PTPRD: variants seen among roughly 807,000 people sequenced by gnomAD.
PTPRD encodes protein tyrosine phosphatase receptor type D, also known as receptor-type tyrosine-protein phosphatase delta.
In PTPRD, 34 loss-of-function variants were observed where a neutral mutation model predicts 214.5. The observed-to-expected ratio is 0.16, with a 90% CI of 0.12 to 0.21. The LOEUF (loss-of-function observed/expected upper bound fraction) is 0.21. Ranked by LOEUF, PTPRD falls within the 10% of genes least tolerant of loss-of-function variation. The pLI is 1.00. For missense variants in PTPRD, 2,545 were observed against 2,398.7 expected, an observed-to-expected ratio of 1.06 and a Z score of -1.27; for synonymous variants, 1,128 against 845.7, an observed-to-expected ratio of 1.33 and a Z score of -5.79.
chr9:9,127,868 T>C (rs981491019), intron 10 of PTPRD, among the ~76,000 whole-genome samples: 14 of 152,196 alleles, frequency 9.2e-5, no homozygotes, highest in African/African-American at 3.1e-4. Context: ...GGAAGCACCC[T>C]GTTTGAATTT....
intron 8 of PTPRD, among the ~76,000 whole-genome samples, chr9:9,430,219 T>C: frequency 6.6e-6 from 1 of 152,156 alleles, no homozygotes; most frequent in African/African-American, 2.4e-5. Context: ...GCATACAAAA[T>C]CAATGTGCAA....
At chr9:10,431,754 T>C (rs1476733492) in intron 2 of PTPRD, among the ~76,000 whole-genome samples, 2 of 152,154 alleles carry the variant, frequency 1.3e-5, no homozygotes, top group Admixed American at 1.3e-4. Context: ...TCACACCAGT[T>C]AGAATGGCAA....
intron 8 of PTPRD, among the ~76,000 whole-genome samples, chr9:9,440,344 TG>T (rs2087061595): frequency 6.6e-6 from 1 of 152,230 alleles, no homozygotes; most frequent in South Asian, 2.1e-4. Context: ...GGTTTGTACT[TG>T]TTTTCTTCTT....
chr9:10,027,072 C>A (rs1371242744), intron 4 of PTPRD, among the ~76,000 whole-genome samples: 3 of 152,066 alleles, frequency 2.0e-5, no homozygotes, highest in Non-Finnish European at 4.4e-5. Flanking sequence ...AGGGGCAATT[C>A]TTTCTATTAA....
intron 4 of PTPRD, among the ~76,000 whole-genome samples, chr9:9,959,927 G>C (rs557477692): frequency 9.3e-4 from 142 of 152,214 alleles, no homozygotes; most frequent in African/African-American, 3.3e-3. Context: ...ATTTTAGAGA[G>C]ATATGTCTAT....
intron 10 of PTPRD, among the ~76,000 whole-genome samples, chr9:9,176,067 C>T (rs1477255726): frequency 6.6e-6 from 1 of 152,142 alleles, no homozygotes; most frequent in Non-Finnish European, 1.5e-5. Context: ...TCAGCAATCT[C>T]ACATTGCTAC....
At chr9:9,798,346 G>A (rs1162059502) in intron 5 of PTPRD, among the ~76,000 whole-genome samples, 1 of 152,112 alleles carries the variant, frequency 6.6e-6, no homozygotes, top group Non-Finnish European at 1.5e-5. Context: ...AGAGAAACCT[G>A]TGTATTTTTA....
At chr9:9,332,229 T>C (rs943406044) in intron 9 of PTPRD, among the ~76,000 whole-genome samples, 1 of 148,992 alleles carries the variant, frequency 6.7e-6, no homozygotes, top group Admixed American at 6.7e-5. Context: ...TGAAAGCCAA[T>C]TTAGCAGGTG....
chr9:9,697,783 C>T (rs1393940990), intron 7 of PTPRD, among the ~76,000 whole-genome samples: 2 of 152,264 alleles, frequency 1.3e-5, no homozygotes, highest in South Asian at 2.1e-4. Flanking sequence ...CTTCCTCGAA[C>T]ACAAATAATT....
rs1487756218 is a variant in PTPRD, at chr9:9,450,108, GTGTGTGTGTGTC to G, written c.-236-52638_-236-52627del. ...GTAGTATTCCATGGTGTGTGTGTGT[GTGTGTGTGTGTC>G]TGTGTGTGTGTGTGTGTGTGTATTA... On this transcript the variant is annotated intron_variant, in intron 8 of 45. Transcript: ENST00000381196. Among the ~76,000 whole-genome samples the G allele has an allele frequency of 2.2e-3, 172 of 77,232 alleles. 1 individual carries two copies. Among genetic ancestry groups the G allele is most frequent in the African/African-American group, 6.1e-3 (139 of 22,788 alleles). 50.7% of individuals were successfully genotyped at this position (77,232 alleles called of 152,430 possible).
intron 11 of PTPRD, among the ~76,000 whole-genome samples, chr9:8,853,153 C>T (rs979196150): frequency 1.3e-5 from 2 of 152,094 alleles, no homozygotes; most frequent in Non-Finnish European, 2.9e-5. Context: ...AACTATGTTT[C>T]GTAAGAATTC....
At chr9:9,545,487 T>C (rs1278444415) in intron 8 of PTPRD, among the ~76,000 whole-genome samples, 1 of 151,968 alleles carries the variant, frequency 6.6e-6, no homozygotes, top group Non-Finnish European at 1.5e-5. Context: ...TGTTTAGATG[T>C]GCCACACTTT....
intron 10 of PTPRD, among the ~76,000 whole-genome samples, chr9:9,114,268 C>T (rs73397796): frequency 9.6e-4 from 146 of 152,138 alleles, no homozygotes; most frequent in Non-Finnish European, 1.4e-3. Flanking sequence ...ACAGTTGAAA[C>T]GAGGGCACTT....
At chr9:10,560,783 T>G (rs1034368265) in intron 2 of PTPRD, among the ~76,000 whole-genome samples, 1 of 152,100 alleles carries the variant, frequency 6.6e-6, no homozygotes, top group African/African-American at 2.4e-5. Context: ...ATTACAAATT[T>G]AGTTCCTCTG....
At chr9:8,739,095 A>G (rs1261315030) in intron 11 of PTPRD, among the ~76,000 whole-genome samples, 1 of 152,216 alleles carries the variant, frequency 6.6e-6, no homozygotes, top group Admixed American at 6.5e-5. Context: ...AGGACTCTCC[A>G]ATTTGTAAAA....
At chr9:9,596,382 C>A (rs958859847) in intron 7 of PTPRD, among the ~76,000 whole-genome samples, 2 of 151,668 alleles carry the variant, frequency 1.3e-5, no homozygotes, top group Middle Eastern at 3.3e-3. Context: ...CCAGAGGTAC[C>A]CTTTACATTT....
At chr9:8,850,588 A>G (rs2097790521) in intron 11 of PTPRD, among the ~76,000 whole-genome samples, 2 of 152,058 alleles carry the variant, frequency 1.3e-5, no homozygotes, top group Admixed American at 1.3e-4. Context: ...CCTGGCCAGT[A>G]AGTAGATTTA....
intron 2 of PTPRD, among the ~76,000 whole-genome samples, chr9:10,350,258 G>T (rs2097159651): frequency 6.6e-6 from 1 of 151,874 alleles, no homozygotes; most frequent in South Asian, 2.1e-4. Flanking sequence ...TCTTTTTGTT[G>T]TCAAAATATA....
intron 11 of PTPRD, among the ~76,000 whole-genome samples, chr9:8,961,880 T>A (rs767939851): frequency 6.6e-6 from 1 of 152,050 alleles, no homozygotes; most frequent in Non-Finnish European, 1.5e-5. Flanking sequence ...CATGACAGCA[T>A]GAAAACCCCA....
Sources: gnomAD v4.1 joint callset for allele counts (sites outside exome capture counted in the v4.1 genomes callset) on GRCh38, gnomAD v4.1.1 for gene constraint, MANE v1.5 for transcripts, NCBI Gene and HGNC (gene_info 2026-07-23, HGNC 2026-07-21) for gene names.